The following TMEM132B variants were observed in gnomAD, a reference collection of about 807,000 sequenced individuals.
TMEM132B encodes transmembrane protein 132B.
Under a neutral mutation model 90.8 loss-of-function variants are expected in TMEM132B, and 18 were observed. The ratio of observed to expected loss-of-function variants is 0.20; its 90% CI spans 0.14 to 0.29. TMEM132B has a LOEUF of 0.29. Among genes scored for constraint, TMEM132B ranks in the 10% least tolerant of loss-of-function variants. The pLI is 1.00. For synonymous variants in TMEM132B, 504 were observed against 523.3 expected (o/e 0.96, Z 0.50); for missense variants, 1,096 against 1,326.8 (o/e 0.83, Z 2.70).
At chr12:125,347,429 G>A (rs1035268095) in intron 1 of TMEM132B, among the ~76,000 whole-genome samples, 1 of 152,094 alleles carries the variant, frequency 6.6e-6, no homozygotes, top group African/African-American at 2.4e-5. Flanking sequence ...CAGCCCGTAC[G>A]TGGGCTGTAT....
intron 4 of TMEM132B, among the ~76,000 whole-genome samples, chr12:125,561,383 C>T (rs370571885): frequency 6.7e-6 from 1 of 148,472 alleles, no homozygotes; most frequent in East Asian, 2.0e-4. Flanking sequence ...GGGTAGGGGG[C>T]TAGGGGAGGG....
At chr12:125,653,253 A>T (rs1364750451) in intron 8 of TMEM132B, among the ~76,000 whole-genome samples, 4 of 152,240 alleles carry the variant, frequency 2.6e-5, no homozygotes, top group Non-Finnish European at 5.9e-5. Flanking sequence ...AAATTGATTC[A>T]GATAAATTGC....
chr12:125,222,354 T>C (rs951309730), intron 1 of TMEM132B, among the ~76,000 whole-genome samples: 4 of 152,148 alleles, frequency 2.6e-5, no homozygotes, highest in African/African-American at 9.7e-5. Flanking sequence ...TAAGGGAGAA[T>C]TGCATAGTTA....
At chr12:125,555,234 T>A (rs1264341752) in intron 4 of TMEM132B, among the ~76,000 whole-genome samples, 1 of 152,146 alleles carries the variant, frequency 6.6e-6, no homozygotes, top group African/African-American at 2.4e-5. Flanking sequence ...TTCATGCATA[T>A]TGGAACCTTG....
rs952022529 is a variant in TMEM132B at position 125,485,370 on chromosome 12, C to T, written c.1107-34069C>T. ...TTCTATTTGTCCTTCACTTTCATTCCGCCACCACAACTCCCTGCCAGCAGC... is the reference window on the plus strand; with the variant it reads ...TTCTATTTGTCCTTCACTTTCATTCTGCCACCACAACTCCCTGCCAGCAGC... On this transcript the variant is annotated intron_variant, in intron 3 of 8. Transcript: ENST00000682704. 4.6e-5 allele frequency among the ~76,000 whole-genome samples: 7 copies of T among 152,128 alleles called. No individual in the cohort carries two copies. The East Asian group carries it at 1.2e-3, about 25-fold the overall frequency.
At chr12:125,356,068 GT>G (rs1185442299) in intron 2 of TMEM132B, among the ~76,000 whole-genome samples, 4 of 152,156 alleles carry the variant, frequency 2.6e-5, no homozygotes, top group African/African-American at 9.7e-5. Context: ...TTCCAGGAAA[GT>G]TTGAAATATT....
At chr12:125,638,337 G>GA (rs1886540262) in intron 5 of TMEM132B, among the ~76,000 whole-genome samples, 1 of 152,158 alleles carries the variant, frequency 6.6e-6, no homozygotes, top group South Asian at 2.1e-4. Flanking sequence ...TTCATAGTAA[G>GA]AACTTAATAC....
At chr12:125,381,665 T>C (rs1878686761) in intron 2 of TMEM132B, among the ~76,000 whole-genome samples, 2 of 152,152 alleles carry the variant, frequency 1.3e-5, no homozygotes, top group African/African-American at 4.8e-5. Flanking sequence ...CACATGTGTC[T>C]ACTACTGTGT....
At chr12:125,210,259 T>TA (rs1289297844) in intron 1 of TMEM132B, among the ~76,000 whole-genome samples, 1 of 151,704 alleles carries the variant, frequency 6.6e-6, no homozygotes, top group African/African-American at 2.4e-5. Context: ...CCAGGGAACT[T>TA]AAAGGGGCAA....
chr12:125,342,115 C>T (rs1318927816), intron 1 of TMEM132B, among the ~76,000 whole-genome samples: 3 of 152,152 alleles, frequency 2.0e-5, no homozygotes, highest in Admixed American at 2.0e-4. Context: ...AGAGACAAGC[C>T]ACTCTGGATT....
rs569338897 is a variant in TMEM132B, at chr12:125,467,942, C to T, written c.1107-51497C>T. Among the ~76,000 whole-genome samples, 2 of 152,330 alleles carry T rather than the reference C, an allele frequency of 1.3e-5. 1 individual carries two copies. Among genetic ancestry groups the T allele is most frequent in the South Asian group, 4.1e-4 (2 of 4,828 alleles). On this transcript the variant is annotated intron_variant, in intron 3 of 8. Coordinates refer to ENST00000682704, the MANE Select transcript of TMEM132B (RefSeq NM_001366854.1). Reference sequence around the variant, plus strand: ...TTTCTCATAGCATGTATCAGAACTTCATTCCTTTTTATGACCTAATATTAT... The same window carrying T: ...TTTCTCATAGCATGTATCAGAACTTTATTCCTTTTTATGACCTAATATTAT...
chr12:125,336,026 G>A (rs1876945350), intron 1 of TMEM132B, among the ~76,000 whole-genome samples: 2 of 152,114 alleles, frequency 1.3e-5, no homozygotes, highest in African/African-American at 4.8e-5. Context: ...CACCCTTTTT[G>A]GTATGGAGCG....
intron 5 of TMEM132B, among the ~76,000 whole-genome samples, chr12:125,612,244 G>A (rs990383930): frequency 6.6e-6 from 1 of 152,064 alleles, no homozygotes; most frequent in Non-Finnish European, 1.5e-5. Context: ...GGGAGGCCAA[G>A]GCAGGTGGAT....
intron 5 of TMEM132B, among the ~76,000 whole-genome samples, chr12:125,598,783 C>A (rs767691299): frequency 6.6e-6 from 1 of 152,036 alleles, no homozygotes; most frequent in Non-Finnish European, 1.5e-5. Context: ...ATGTGTTAAT[C>A]ATGACTCCTG....
intron 1 of TMEM132B, among the ~76,000 whole-genome samples, chr12:125,348,546 G>C (rs1877445051): frequency 6.6e-6 from 1 of 151,084 alleles, no homozygotes; most frequent in Non-Finnish European, 1.5e-5. Flanking sequence ...TTTTGCTCAG[G>C]CTGGTTTTGA....
intron 1 of TMEM132B, among the ~76,000 whole-genome samples, chr12:125,224,974 T>C (rs1873644932): frequency 1.3e-5 from 2 of 152,220 alleles, no homozygotes; most frequent in Admixed American, 1.3e-4. Flanking sequence ...CTAAAGGGGA[T>C]TGCTGTATCC....
chr12:125,196,877 C>T (rs1311493447), intron 1 of TMEM132B, among the ~76,000 whole-genome samples: 1 of 152,154 alleles, frequency 6.6e-6, no homozygotes, highest in Non-Finnish European at 1.5e-5. Flanking sequence ...GACCAGGGCT[C>T]AGTTATGCTG....
intron 3 of TMEM132B, among the ~76,000 whole-genome samples, chr12:125,512,476 C>T (rs1883006294): frequency 6.6e-6 from 1 of 152,198 alleles, no homozygotes; most frequent in African/African-American, 2.4e-5. Flanking sequence ...TTAATTTTCC[C>T]CATCAGCCAG....
chr12:125,534,055 A>C (rs1350375186), intron 4 of TMEM132B, among the ~76,000 whole-genome samples: 1 of 152,176 alleles, frequency 6.6e-6, no homozygotes, highest in Non-Finnish European at 1.5e-5. Context: ...TGGCCGGCGA[A>C]CTTCATACTT....
Sources: gnomAD v4.1 joint callset for allele counts (sites outside exome capture counted in the v4.1 genomes callset) on GRCh38, gnomAD v4.1.1 for gene constraint, MANE v1.5 for transcripts, NCBI Gene and HGNC (gene_info 2026-07-23, HGNC 2026-07-21) for gene names.